ERC1: variants seen among roughly 807,000 people sequenced by gnomAD.
The protein encoded by ERC1 is RAB6 interacting protein 2.
Under a neutral mutation model 132.0 loss-of-function variants are expected in ERC1, and 56 were observed. The observed-to-expected ratio is 0.42, with a 90% CI of 0.34 to 0.53. The LOEUF (loss-of-function observed/expected upper bound fraction) is 0.53. ERC1 is among the 20% of genes least tolerant of loss of function. The pLI, the probability that ERC1 is intolerant of heterozygous loss-of-function variation, is 0.03. For synonymous variants in ERC1, 478 were observed against 476.1 expected, an observed-to-expected ratio of 1.00 and a Z score of -0.05; for missense variants, 1,202 against 1,349.9, an observed-to-expected ratio of 0.89 and a Z score of 1.72.
At chr12:1,258,711 G>T (rs2154320823) in intron 13 of ERC1, among the ~76,000 whole-genome samples, 1 of 151,904 alleles carries the variant, frequency 6.6e-6, no homozygotes, top group South Asian at 2.1e-4. Flanking sequence ...TTTAAAAAAT[G>T]TTGTTATTTA....
At chr12:1,402,295 C>T (rs1420216429) in intron 16 of ERC1, among the ~76,000 whole-genome samples, 4 of 152,124 alleles carry the variant, frequency 2.6e-5, no homozygotes, top group Admixed American at 2.6e-4. Flanking sequence ...TTTGGGAGGC[C>T]AAGGCAGGTG....
chr12:1,104,891 T>C, intron 4 of ERC1, 67 bp downstream of exon 4: 2 of 1,019,250 alleles, frequency 2.0e-6, no homozygotes, highest in Middle Eastern at 2.1e-4. Context: ...AAAACTTCCA[T>C]GTGTGAGTGT....
chr12:1,334,914 T>C (rs2083183922), intron 15 of ERC1, among the ~76,000 whole-genome samples: 1 of 152,192 alleles, frequency 6.6e-6, no homozygotes. Flanking sequence ...TTGAGCAGTG[T>C]TTTGTAGTTC....
chr12:1,021,525 C>T (rs1396301483), intron 1 of ERC1, among the ~76,000 whole-genome samples: 1 of 151,790 alleles, frequency 6.6e-6, no homozygotes, highest in Non-Finnish European at 1.5e-5. Flanking sequence ...TGGTGAAACC[C>T]CGTATCTACT....
chr12:1,378,256 C>T (rs1406033676), intron 16 of ERC1, among the ~76,000 whole-genome samples: 3 of 152,130 alleles, frequency 2.0e-5, no homozygotes, highest in African/African-American at 7.2e-5. Flanking sequence ...CCTGACCGCT[C>T]CCCGTTGGAG....
chr12:1,465,551 T>G (rs544736712), intron 18 of ERC1, among the ~76,000 whole-genome samples: 2 of 152,220 alleles, frequency 1.3e-5, no homozygotes, highest in Non-Finnish European at 2.9e-5. Context: ...CAAAAAGGTG[T>G]GAGACCACAC....
intron 1 of ERC1, among the ~76,000 whole-genome samples, chr12:1,003,317 T>C (rs1962836572): frequency 6.6e-6 from 1 of 152,164 alleles, no homozygotes; most frequent in Admixed American, 6.5e-5. Flanking sequence ...ACATCTTTTG[T>C]TAAATTTAGT....
At chr12:1,438,971 A>AT (rs879572392) in intron 17 of ERC1, among the ~76,000 whole-genome samples, 3,507 of 144,240 alleles carry the variant, frequency 0.024, 67 homozygotes, top group Non-Finnish European at 0.036. Context: ...ATATATATAT[A>AT]AAAAATGACA....
intron 11 of ERC1, among the ~76,000 whole-genome samples, 167 bp from the exon 12 acceptor site, chr12:1,189,692 T>C (rs1955511238): frequency 6.6e-6 from 1 of 152,230 alleles, no homozygotes; most frequent in African/African-American, 2.4e-5. Flanking sequence ...ATTACTAATA[T>C]TTGTCTATAT....
intron 15 of ERC1, among the ~76,000 whole-genome samples, chr12:1,350,083 A>T (rs967714465): frequency 6.6e-6 from 1 of 152,180 alleles, no homozygotes; most frequent in Admixed American, 6.5e-5. Flanking sequence ...TGAGGGAAAA[A>T]TTCATCATGG....
intron 8 of ERC1, among the ~76,000 whole-genome samples, chr12:1,171,378 T>TTTTG (rs1953047891): frequency 6.9e-6 from 1 of 145,042 alleles, no homozygotes; most frequent in Non-Finnish European, 1.5e-5. Context: ...TTTTTTTTTT[T>TTTTG]TGGTAAATTA....
At chr12:1,183,171 G>C (rs1954670740) in intron 10 of ERC1, 110 bp from the exon 11 acceptor site, 1 of 590,722 alleles carries the variant, frequency 1.7e-6, no homozygotes, top group African/African-American at 1.9e-5. Context: ...ATGGGAGTAT[G>C]TCAGCATTTG....
intron 9 of ERC1, among the ~76,000 whole-genome samples, chr12:1,180,920 TCCTG>T: frequency 6.6e-6 from 1 of 151,928 alleles, no homozygotes; most frequent in Non-Finnish European, 1.5e-5. Flanking sequence ...CAAGCGATTC[TCCTG>T]CCTCAGCCTC....
At chr12:1,378,662 G>A (rs1020426750) in intron 16 of ERC1, among the ~76,000 whole-genome samples, 3 of 152,212 alleles carry the variant, frequency 2.0e-5, no homozygotes, top group African/African-American at 4.8e-5. Flanking sequence ...TGGTCAGCCA[G>A]AGAGACATGT....
intron 14 of ERC1, among the ~76,000 whole-genome samples, chr12:1,266,688 A>G (rs1051375984): frequency 1.3e-5 from 2 of 152,050 alleles, no homozygotes; most frequent in African/African-American, 4.8e-5. Context: ...TACAGGTGTA[A>G]GTCACCGTGC....
intron 2 of ERC1, among the ~76,000 whole-genome samples, chr12:1,034,375 A>C (rs1968658187): frequency 1.3e-5 from 2 of 152,146 alleles, no homozygotes; most frequent in Admixed American, 1.3e-4. Context: ...CAGGAGTTTG[A>C]GTCCAGCCTG....
chr12:1,256,655 G>A (rs1310308063), intron 13 of ERC1, among the ~76,000 whole-genome samples: 1 of 150,668 alleles, frequency 6.6e-6, no homozygotes, highest in Non-Finnish European at 1.5e-5. Flanking sequence ...TATTTTATTA[G>A]AGTTCAAATC....
intron 15 of ERC1, among the ~76,000 whole-genome samples, chr12:1,349,079 G>A (rs1171025337): frequency 6.6e-6 from 1 of 152,034 alleles, no homozygotes; most frequent in Admixed American, 6.6e-5. Flanking sequence ...TCTTTTTTGT[G>A]TCTGTTGTTG....
chr12:1,243,525 A>C (rs1476245227), intron 13 of ERC1, among the ~76,000 whole-genome samples: 2 of 152,182 alleles, frequency 1.3e-5, no homozygotes, highest in Non-Finnish European at 2.9e-5. Context: ...AGATGCTATA[A>C]TTTTCTTGTA....
Sources: gnomAD v4.1 joint callset for allele counts (sites outside exome capture counted in the v4.1 genomes callset) on GRCh38, gnomAD v4.1.1 for gene constraint, MANE v1.5 for transcripts, NCBI Gene and HGNC (gene_info 2026-07-23, HGNC 2026-07-21) for gene names.